ABCA13: variants seen among roughly 807,000 people sequenced by gnomAD.
ABCA13 encodes ATP binding cassette subfamily A member 13, also known as ATP-binding cassette sub-family A member 13.
A neutral mutation model predicts 478.7 loss-of-function variants in ABCA13; 476 were observed. The ratio of observed to expected loss-of-function variants is 0.99; its 90% confidence interval spans 0.92 to 1.07. The LOEUF (loss-of-function observed/expected upper bound fraction) is 1.07, where lower values mean the gene tolerates loss of function less well. Among genes scored for constraint, ABCA13 ranks in the 50% least tolerant of loss-of-function variants. The probability of loss-of-function intolerance (pLI) is 0.00; values close to 1 mark genes in which losing one functional copy is unlikely to be tolerated. For synonymous variants in ABCA13, 2,252 were observed against 2,158.9 expected (o/e 1.04, Z -1.20); for missense variants, 6,060 against 5,910.6 (o/e 1.03, Z -0.83).
intron 58 of ABCA13, among the ~76,000 whole-genome samples, chr7:48,606,633 G>A (rs1039118593): frequency 6.6e-6 from 1 of 152,130 alleles, no homozygotes; most frequent in African/African-American, 2.4e-5. Flanking sequence ...GAGCTTTCCT[G>A]TATTAGGTGT....
chr7:48,429,687 G>A (rs1347665898), intron 42 of ABCA13, among the ~76,000 whole-genome samples: 2 of 152,170 alleles, frequency 1.3e-5, no homozygotes, highest in Non-Finnish European at 2.9e-5. Flanking sequence ...TAAGTGGAAT[G>A]GTAACTAGGT....
At chr7:48,513,478 C>T (rs528694963) in intron 51 of ABCA13, among the ~76,000 whole-genome samples, 1 of 152,120 alleles carries the variant, frequency 6.6e-6, no homozygotes, top group Non-Finnish European at 1.5e-5. Flanking sequence ...CAGAGCCTAA[C>T]TTACATAAAG....
intron 1 of ABCA13, among the ~76,000 whole-genome samples, chr7:48,178,682 A>T (rs1198915669): frequency 6.6e-6 from 1 of 151,688 alleles, no homozygotes; most frequent in African/African-American, 2.4e-5. Flanking sequence ...TCAAAAAAAT[A>T]AAAAAAAGTA....
chr7:48,511,894 A>C (rs1349066362), intron 51 of ABCA13, among the ~76,000 whole-genome samples: 1 of 152,186 alleles, frequency 6.6e-6, no homozygotes, highest in Non-Finnish European at 1.5e-5. Context: ...GCTTGCTCTT[A>C]TTTAAGAGGA....
At chr7:48,411,024 T>C (rs886350675) in intron 40 of ABCA13, among the ~76,000 whole-genome samples, 6 of 119,840 alleles carry the variant, frequency 5.0e-5, no homozygotes, top group African/African-American at 1.5e-4. Context: ...TCTTTCTTTC[T>C]TTCTTTCTTT....
Position 48,193,033 on chromosome 7 carries a change from TCCCAGA to T in ABCA13, c.145_150del (p.Pro49_Arg50del). Reference sequence around the variant, plus strand: ...TGACAGTTCTTCGTTTTCAAGAACCTCCCAGATACAGAGACATTTGTAAGTTTCACT... The same window carrying T: ...TGACAGTTCTTCGTTTTCAAGAACCTTACAGAGACATTTGTAAGTTTCACT... On this transcript the variant is annotated inframe_deletion, in exon 2 of 62. Transcript: ENST00000435803. 2 of 1,534,778 alleles carry T rather than the reference TCCCAGA, an allele frequency of 1.3e-6. No individual in the cohort carries two copies. Among genetic ancestry groups the T allele is most frequent in the Non-Finnish European group, 1.7e-6 (2 of 1,145,830 alleles).
rs1276547182 is a variant in ABCA13 at position 48,483,060 on chromosome 7, T to C, written c.13095-16T>C. 12 of 1,602,808 alleles carry C rather than the reference T, an allele frequency of 7.5e-6. No individual in the cohort carries two copies. The highest frequency in any genetic ancestry group is 9.4e-6 in the Non-Finnish European group (11 of 1,174,658). On this transcript the variant is annotated splice_polypyrimidine_tract_variant and intron_variant, in intron 46 of 61. Transcript: ENST00000435803. ...CTCTGTGGTTGAAGCACTAACACAA[T>C]GTTCATTGTTAACAGGCTTGGAGGT...
chr7:48,190,995 G>A (rs1797033303), intron 1 of ABCA13, among the ~76,000 whole-genome samples: 1 of 152,020 alleles, frequency 6.6e-6, no homozygotes, highest in South Asian at 2.1e-4. Flanking sequence ...TATTAAAAAT[G>A]AAACAGAATA....
In ABCA13 at chr7:48,175,208, CTTATT is replaced by C. The variant is rs1562700779; in HGVS notation, c.69+3664_69+3668del. ...AACTGTAAATCAGTCTAATTAATTA[CTTATT>C]TTATTTTTATTTCTTTTAATTTTAA... On this transcript the variant is annotated intron_variant, in intron 1 of 61. Coordinates refer to ENST00000435803, the MANE Select transcript of ABCA13 (RefSeq NM_152701.5). Among the ~76,000 whole-genome samples, 4 of 152,178 alleles carry C rather than the reference CTTATT, an allele frequency of 2.6e-5. No homozygotes were observed. In the East Asian group the frequency reaches 7.7e-4, roughly 29 times the overall value.
chr7:48,302,745 T>G (rs1255373906), intron 23 of ABCA13, among the ~76,000 whole-genome samples: 2 of 152,246 alleles, frequency 1.3e-5, no homozygotes, highest in Non-Finnish European at 2.9e-5. Context: ...CAGTTTGCCC[T>G]TGATGGGCAT....
At chr7:48,382,644 C>A in intron 35 of ABCA13, among the ~76,000 whole-genome samples, 1 of 152,216 alleles carries the variant, frequency 6.6e-6, no homozygotes, top group East Asian at 1.9e-4. Context: ...TCTAGCATCC[C>A]TCCCAGCATC....
At chr7:48,322,925 T>A (rs866354769) in intron 27 of ABCA13, among the ~76,000 whole-genome samples, 13 of 152,174 alleles carry the variant, frequency 8.5e-5, no homozygotes, top group Admixed American at 2.6e-4. Flanking sequence ...TTTGTGAGAA[T>A]GCCCTATAAT....
chr7:48,210,295 G>T (rs1433962957), intron 3 of ABCA13, among the ~76,000 whole-genome samples: 1 of 152,120 alleles, frequency 6.6e-6, no homozygotes, highest in Non-Finnish European at 1.5e-5. Flanking sequence ...CATGAGAAGA[G>T]CATGGGGGAA....
At chr7:48,444,081 T>C (rs1823971625) in intron 42 of ABCA13, among the ~76,000 whole-genome samples, 1 of 152,202 alleles carries the variant, frequency 6.6e-6, no homozygotes, top group African/African-American at 2.4e-5. Flanking sequence ...TTTGCCAAGA[T>C]GAATCCTTTC....
At position 48,352,417 on chromosome 7, in the gene ABCA13, A is replaced by G. The variant is rs1426136619; in HGVS notation, c.10618A>G (p.Thr3540Ala). Residue 3540 changes from threonine to alanine, a missense_variant, in exon 31 of 62, where the codon ACT becomes GCT. Coordinates refer to ENST00000435803, the MANE Select transcript of ABCA13 (RefSeq NM_152701.5). ...MIERAIILVQ[T>A]GQEALEPAAQ... ...CGAAAGAGCCATCATTTTGGTGCAG[A>G]CTGGGCAGGAAGCCCTGGAACCAGC... 2 of 1,613,376 alleles carry G rather than the reference A, an allele frequency of 1.2e-6. No individual in the cohort carries two copies. The highest frequency in any genetic ancestry group is 3.3e-5 in the Admixed American group (2 of 59,956).
rs900011227 is a variant in ABCA13 at position 48,581,203 on chromosome 7, C to T, written c.14505+829C>T. Among the ~76,000 whole-genome samples, 9 of 152,238 alleles carry T rather than the reference C, an allele frequency of 5.9e-5. 1 individual carries two copies. The South Asian group carries it at 6.2e-4, about 11-fold the overall frequency. ...ATTATGCGTTTGCAATTAGATTCTG[C>T]GGGAGAGGGAAAATTCTAGGACTCA... On this transcript the variant is annotated intron_variant, in intron 56 of 61. Coordinates refer to ENST00000435803, the MANE Select transcript of ABCA13 (RefSeq NM_152701.5).
rs757158140 is a variant in ABCA13, at chr7:48,234,084, A to G, written c.830A>G (p.Lys277Arg). Residue 277 changes from lysine to arginine, a missense_variant, in exon 8 of 62, where the codon AAA becomes AGA. This residue lies in a region of ABCA13 where 4,423 missense variants were observed against 4,309.1 expected (regional missense o/e 1.03). Transcript: ENST00000435803. ...CCACAGAAAGTCCAGTATGATCTCA[A>G]ATCCCAGTTTGGCTTTGATGATCTT... ...WDPQKVQYDL[K>R]SQFGFDDLHT... is the part of the protein sequence containing the mutation. 1.7e-5 allele frequency: 27 copies of G among 1,614,052 alleles called. No individual in the cohort carries two copies. Among genetic ancestry groups the G allele is most frequent in the Non-Finnish European group, 2.2e-5 (26 of 1,179,900 alleles).
intron 55 of ABCA13, among the ~76,000 whole-genome samples, chr7:48,534,315 G>C (rs1253909658): frequency 6.6e-6 from 1 of 152,100 alleles, no homozygotes; most frequent in Non-Finnish European, 1.5e-5. Flanking sequence ...ATCCCTTCTA[G>C]CTTTCAGGAT....
intron 27 of ABCA13, among the ~76,000 whole-genome samples, chr7:48,330,738 C>T (rs1440226289): frequency 2.0e-5 from 1 of 48,998 alleles, no homozygotes; most frequent in African/African-American, 9.5e-5. Context: ...TCCATTGACA[C>T]ATCCATCCAT....
Sources: gnomAD v4.1 joint callset for allele counts (sites outside exome capture counted in the v4.1 genomes callset) on GRCh38, gnomAD v4.1.1 for gene constraint, gnomAD v4.1.1 regional missense constraint, MANE v1.5 for transcripts, NCBI Gene and HGNC (gene_info 2026-07-23, HGNC 2026-07-21) for gene names.